PTPN3: variants seen among roughly 807,000 people sequenced by gnomAD.
The protein encoded by PTPN3 is protein tyrosine phosphatase non-receptor type 3.
PTPN3 carries 96 observed loss-of-function variants against 132.7 expected under a neutral mutation model. The ratio of observed to expected loss-of-function variants is 0.72; its 90% confidence interval spans 0.61 to 0.86. The LOEUF (loss-of-function observed/expected upper bound fraction) is 0.86. Ranked by LOEUF, PTPN3 falls within the 40% of genes least tolerant of loss-of-function variation. PTPN3 has a pLI of 0.00. For missense variants in PTPN3, 1,125 were observed against 1,159.6 expected (o/e 0.97, Z 0.43); for synonymous variants, 398 against 429.0 (o/e 0.93, Z 0.89).
chr9:109,532,778 T>A, the PTPN3 span: 1 of 500,576 alleles, frequency 2.0e-6, no homozygotes, highest in Non-Finnish European at 2.9e-6. Flanking sequence ...ATTTCATATT[T>A]CTTCTTGTTG....
chr9:109,391,017 T>C, intron 21 of PTPN3, 121 bp downstream of exon 21: 1 of 839,662 alleles, frequency 1.2e-6, no homozygotes, highest in Non-Finnish European at 1.9e-6. Context: ...GCTGTTGTGG[T>C]GCTGAAATGC....
chr9:109,385,890 C>T (rs746155236), intron 22 of PTPN3, among the ~76,000 whole-genome samples: 1 of 152,056 alleles, frequency 6.6e-6, no homozygotes, highest in Admixed American at 6.6e-5. Context: ...GGTGTGGTTT[C>T]GAGAAGAGGC....
In PTPN3 at chr9:109,410,393, C is replaced by A. The variant is rs868723910; in HGVS notation, c.1336G>T (p.Ala446Ser). 2 of 1,613,920 alleles carry A rather than the reference C, an allele frequency of 1.2e-6. No individual in the cohort carries two copies. Among genetic ancestry groups the A allele is most frequent in the African/African-American group, 2.7e-5 (2 of 74,894 alleles). The change falls in exon 15 of 26, where the codon GCA (alanine) becomes TCA (serine). Residue 446 changes from alanine (A) to serine (S), a missense_variant. Transcript: ENST00000374541. ...HQESLSENNPAQSYLTQKSSS... is the reference protein window; with the variant it reads ...HQESLSENNPSQSYLTQKSSS... ...GACTTCTGGGTCAGGTAGCTTTGTGCCGGATTGTTCTCGGATAAACTCCTT... is the reference window on the plus strand; with the variant it reads ...GACTTCTGGGTCAGGTAGCTTTGTGACGGATTGTTCTCGGATAAACTCCTT...
chr9:109,454,530 G>A lies in PTPN3; in HGVS notation c.334C>T (p.Pro112Ser). 6.2e-7 allele frequency: 1 copy of A among 1,613,422 alleles called. No homozygotes were observed. ...TLHFRVRFFI[P>S]DPNTLQQEQT... ...TCTTGCTGCAGTGTGTTGGGATCAG[G>A]TATAAAAAATCTTACTCGAAAATGC... The change falls in exon 5 of 26, where the codon CCT becomes TCT. Residue 112 changes from proline to serine, a missense_variant. Transcript: ENST00000374541.
At chr9:109,508,965 G>A in the PTPN3 span, among the ~76,000 whole-genome samples, 1 of 152,108 alleles carries the variant, frequency 6.6e-6, no homozygotes, top group Non-Finnish European at 1.5e-5. Flanking sequence ...AGGTCGAGGT[G>A]GGAGGATTGC....
At chr9:109,524,589 A>G in the PTPN3 span, among the ~76,000 whole-genome samples, 3 of 152,220 alleles carry the variant, frequency 2.0e-5, no homozygotes, top group African/African-American at 7.2e-5. Flanking sequence ...GCTAAGTCAC[A>G]TTGCCACAAT....
At chr9:109,526,338 GTT>G in the PTPN3 span, among the ~76,000 whole-genome samples, 34,451 of 148,956 alleles carry the variant, frequency 0.23, 4,130 homozygotes, top group African/African-American at 0.24. Context: ...ATTTCAGCAA[GTT>G]TTTTTTTTTT....
intron 22 of PTPN3, among the ~76,000 whole-genome samples, chr9:109,384,403 C>T (rs1284961091): frequency 6.6e-6 from 1 of 152,176 alleles, no homozygotes; most frequent in African/African-American, 2.4e-5. Flanking sequence ...CAGGGCTACT[C>T]GGGATTAAGT....
chr9:109,532,969 T>A, the PTPN3 span: 1 of 476,508 alleles, frequency 2.1e-6, no homozygotes, highest in Non-Finnish European at 2.9e-6. Context: ...TTTTTTTTTT[T>A]TTTGAGACGG....
chr9:109,506,250 A>T, the PTPN3 span, among the ~76,000 whole-genome samples: 3 of 152,206 alleles, frequency 2.0e-5, no homozygotes, highest in African/African-American at 7.2e-5. Context: ...CTGGAAAGGC[A>T]GCAGTAATAG....
intron 1 of PTPN3, among the ~76,000 whole-genome samples, chr9:109,493,772 G>A (rs1457675576): frequency 1.3e-5 from 2 of 152,126 alleles, no homozygotes; most frequent in Non-Finnish European, 2.9e-5. Flanking sequence ...GCTGTTTCCC[G>A]GCACATCTAT....
At chr9:109,514,544 T>G in the PTPN3 span, among the ~76,000 whole-genome samples, 1 of 152,240 alleles carries the variant, frequency 6.6e-6, no homozygotes, top group Non-Finnish European at 1.5e-5. Flanking sequence ...AGACCTTGAC[T>G]TTGTGGAGCT....
the PTPN3 span, among the ~76,000 whole-genome samples, chr9:109,506,176 G>A: frequency 1.3e-5 from 2 of 151,536 alleles, no homozygotes; most frequent in Non-Finnish European, 2.9e-5. Flanking sequence ...CTCTGCTCTT[G>A]ACCTTGGGTC....
At chr9:109,532,033 G>A in the PTPN3 span, among the ~76,000 whole-genome samples, 20,564 of 152,042 alleles carry the variant, frequency 0.14, 1,580 homozygotes, top group Middle Eastern at 0.24. Flanking sequence ...CTTCATTTCT[G>A]CTGTTAATTT....
Position 109,463,427 on chromosome 9 carries a change from G to C in PTPN3, c.8C>G (p.Ser3Cys). ...TCTTCCACCCAACGCACGTAACCGGGAGGTCATAACTATCGCTGAATAACC... is the reference window on the plus strand; with the variant it reads ...TCTTCCACCCAACGCACGTAACCGGCAGGTCATAACTATCGCTGAATAACC... MT[S>C]RLRALGGRIN... The change falls in exon 2 of 26, where the codon TCC becomes TGC. Residue 3 changes from serine to cysteine, a missense_variant. Transcript: ENST00000374541. The C allele has an allele frequency of 6.2e-7, 1 of 1,608,238 alleles. No homozygotes were observed. Among genetic ancestry groups the C allele is most frequent in the South Asian group, 1.1e-5 (1 of 89,168 alleles).
At chr9:109,393,093 TATCTCAAG>T (rs1840266248) in intron 19 of PTPN3, 3 of 152,214 alleles carry the variant, frequency 2.0e-5, no homozygotes, top group Admixed American at 1.3e-4. Flanking sequence ...CAGCTAAACA[TATCTCAAG>T]CTAATTTGGC....
intron 19 of PTPN3, among the ~76,000 whole-genome samples, chr9:109,394,717 C>G (rs368613324): frequency 6.6e-6 from 1 of 152,130 alleles, no homozygotes; most frequent in Admixed American, 6.5e-5. Flanking sequence ...TAGCAACACA[C>G]ACAGTGTATA....
chr9:109,391,053 C>T, intron 21 of PTPN3, 85 bp downstream of exon 21: 17 of 1,265,882 alleles, frequency 1.3e-5, no homozygotes, highest in Non-Finnish European at 1.9e-5. Context: ...AGCACTGTGT[C>T]AACTGCAAAG....
At position 109,389,232 on chromosome 9, in the gene PTPN3, C is replaced by A; in HGVS notation, c.2253+1G>T. On this transcript the variant is annotated splice_donor_variant, in intron 22 of 25. Coordinates refer to ENST00000374541, the MANE Select transcript of PTPN3 (RefSeq NM_002829.4). LOFTEE classifies it high-confidence loss of function. ...TCTGAATTAGAAATCAAGCTACTTA[C>A]CCGCCCTCGTTCTGTGAGAGTCGTC... 1 of 1,613,960 alleles carries A rather than the reference C, an allele frequency of 6.2e-7. No individual in the cohort carries two copies. Among genetic ancestry groups the A allele is most frequent in the Non-Finnish European group, 8.5e-7 (1 of 1,179,942 alleles).
Sources: allele counts gnomAD v4.1 joint callset (sites outside exome capture counted in the v4.1 genomes callset), GRCh38; gene constraint gnomAD v4.1.1; transcripts MANE v1.5; gene names NCBI Gene and HGNC (gene_info 2026-07-23, HGNC 2026-07-21).